SUGCT: variants seen among roughly 807,000 people sequenced by gnomAD.
SUGCT encodes succinyl-CoA:glutarate CoA-transferase.
A neutral mutation model predicts 55.0 loss-of-function variants in SUGCT; 41 were observed. The observed-to-expected ratio is 0.74, with a 90% CI of 0.58 to 0.97. SUGCT has a LOEUF of 0.97. Among genes scored for constraint, SUGCT ranks in the 50% least tolerant of loss-of-function variants. The pLI is 0.00. For missense variants in SUGCT, 568 were observed against 547.8 expected (o/e 1.04, Z -0.37); for synonymous variants, 187 against 200.4 (o/e 0.93, Z 0.56).
intron 12 of SUGCT, among the ~76,000 whole-genome samples, chr7:40,633,354 A>G (rs1044977912): frequency 3.3e-5 from 5 of 152,214 alleles, no homozygotes; most frequent in African/African-American, 1.2e-4. Flanking sequence ...TAAAATAAAC[A>G]TTCACTGATA....
At chr7:40,981,621 A>G in the SUGCT span, among the ~76,000 whole-genome samples, 1 of 152,190 alleles carries the variant, frequency 6.6e-6, no homozygotes, top group African/African-American at 2.4e-5. Flanking sequence ...ACATTTTACT[A>G]TAAACAGTCA....
At chr7:41,002,878 C>A in the SUGCT span, among the ~76,000 whole-genome samples, 1 of 152,050 alleles carries the variant, frequency 6.6e-6, no homozygotes, top group Non-Finnish European at 1.5e-5. Context: ...ACTCAAAAGA[C>A]CACATAATTC....
At chr7:40,535,602 A>G (rs147281632) in intron 12 of SUGCT, among the ~76,000 whole-genome samples, 2 of 152,332 alleles carry the variant, frequency 1.3e-5, no homozygotes, top group East Asian at 3.9e-4. Context: ...ACAATAGCAA[A>G]GACACTGAAT....
intron 8 of SUGCT, 138 bp downstream of exon 8, chr7:40,274,794 G>T: frequency 1.2e-6 from 1 of 834,678 alleles, no homozygotes; most frequent in Non-Finnish European, 1.9e-6. Flanking sequence ...GTTTCATTTT[G>T]ATGTACTTGT....
intron 1 of SUGCT, among the ~76,000 whole-genome samples, chr7:40,139,172 A>AATCAATC (rs1562788711): frequency 7.4e-6 from 1 of 135,678 alleles, no homozygotes; most frequent in African/African-American, 2.9e-5. Context: ...ATAAATAAAT[A>AATCAATC]AATAAATCCA....
chr7:40,311,029 T>G (rs1372028307), intron 8 of SUGCT, among the ~76,000 whole-genome samples: 1 of 152,170 alleles, frequency 6.6e-6, no homozygotes, highest in Non-Finnish European at 1.5e-5. Context: ...CATTCAGAGG[T>G]GGGCTCTTAT....
chr7:40,830,729 T>C (rs1792617844), intron 13 of SUGCT, among the ~76,000 whole-genome samples: 1 of 152,224 alleles, frequency 6.6e-6, no homozygotes, highest in Admixed American at 6.5e-5. Flanking sequence ...ACCAGCTCAT[T>C]GCAGCCATTC....
chr7:40,711,270 G>A (rs1785704174), intron 12 of SUGCT, among the ~76,000 whole-genome samples: 1 of 152,224 alleles, frequency 6.6e-6, no homozygotes, highest in South Asian at 2.1e-4. Context: ...CCAGCACTTT[G>A]GGACGCTGAG....
intron 9 of SUGCT, among the ~76,000 whole-genome samples, chr7:40,328,036 T>C (rs1410007258): frequency 6.6e-6 from 1 of 152,224 alleles, no homozygotes; most frequent in Non-Finnish European, 1.5e-5. Flanking sequence ...CTCATTGTAC[T>C]GTATAGGCAG....
At chr7:40,914,264 A>ATTTTTTCCTTT in the SUGCT span, among the ~76,000 whole-genome samples, 1 of 136,306 alleles carries the variant, frequency 7.3e-6, no homozygotes, top group South Asian at 2.4e-4. Context: ...TTATTTATTT[A>ATTTTTTCCTTT]TTTTTTTCTT....
chr7:40,372,948 A>T (rs1784360806), intron 9 of SUGCT, among the ~76,000 whole-genome samples: 1 of 152,064 alleles, frequency 6.6e-6, no homozygotes, highest in South Asian at 2.1e-4. Context: ...TTGTAAGACA[A>T]ATATATACAG....
At chr7:40,252,145 GA>G (rs1790467974) in intron 7 of SUGCT, among the ~76,000 whole-genome samples, 1 of 152,088 alleles carries the variant, frequency 6.6e-6, no homozygotes, top group Admixed American at 6.6e-5. Flanking sequence ...AAAATCTTAA[GA>G]TTTTTTGAGA....
At chr7:40,807,264 A>G (rs79585070) in intron 13 of SUGCT, among the ~76,000 whole-genome samples, 13,295 of 152,204 alleles carry the variant, frequency 0.087, 673 homozygotes, top group Middle Eastern at 0.17. Context: ...TGCAGGATGT[A>G]CAGGTTTGTC....
intron 8 of SUGCT, among the ~76,000 whole-genome samples, chr7:40,277,812 A>G (rs908246603): frequency 2.6e-5 from 4 of 151,990 alleles, no homozygotes; most frequent in South Asian, 2.1e-4. Flanking sequence ...AGCACTAGGT[A>G]TATCTCCTAA....
chr7:40,555,475 T>C (rs1562858386), intron 12 of SUGCT, among the ~76,000 whole-genome samples: 1 of 152,072 alleles, frequency 6.6e-6, no homozygotes, highest in Non-Finnish European at 1.5e-5. Context: ...GCTGGGCTGG[T>C]GGGTCCCAGG....
chr7:40,751,375 A>G (rs578085599), intron 13 of SUGCT, among the ~76,000 whole-genome samples: 9 of 152,260 alleles, frequency 5.9e-5, no homozygotes, highest in Admixed American at 5.2e-4. Context: ...TTTACAGCTT[A>G]AAGCCGGCGG....
chr7:40,379,970 A>C (rs10273987), intron 9 of SUGCT, among the ~76,000 whole-genome samples: 145,871 of 152,294 alleles, frequency 0.96, 70,170 homozygotes, highest in East Asian at 1. Context: ...TTTACCCCAA[A>C]TATTATCCAC....
intron 1 of SUGCT, among the ~76,000 whole-genome samples, chr7:40,162,826 A>G (rs140282856): frequency 1.0e-3 from 154 of 152,262 alleles, no homozygotes; most frequent in African/African-American, 3.6e-3. Flanking sequence ...GAAGATTGCC[A>G]CTAAAAGGAC....
chr7:40,254,297 C>G (rs1790647554), intron 7 of SUGCT, among the ~76,000 whole-genome samples: 1 of 151,064 alleles, frequency 6.6e-6, no homozygotes, highest in Non-Finnish European at 1.5e-5. Context: ...GAAAGGGACT[C>G]CCCTATTTGA....
Sources: allele counts gnomAD v4.1 joint callset (sites outside exome capture counted in the v4.1 genomes callset), GRCh38; gene constraint gnomAD v4.1.1; transcripts MANE v1.5; gene names NCBI Gene and HGNC (gene_info 2026-07-23, HGNC 2026-07-21).